The following ANKRD31 variants were observed in gnomAD, a reference collection of about 807,000 sequenced individuals.
ANKRD31 encodes the protein ankyrin repeat domain-containing protein 31.
ANKRD31 carries 147 observed loss-of-function variants against 186.0 expected under a neutral mutation model. The ratio of observed to expected loss-of-function variants is 0.79; its 90% CI spans 0.69 to 0.91. ANKRD31 has a LOEUF of 0.91. Among genes scored for constraint, ANKRD31 ranks in the 40% least tolerant of loss-of-function variants. ANKRD31 has a pLI of 0.00. For missense variants in ANKRD31, 1,986 were observed against 2,148.8 expected (o/e 0.92, Z 1.50); for synonymous variants, 673 against 736.4 (o/e 0.91, Z 1.39).
intron 6 of ANKRD31, 64 bp from the exon 7 acceptor site, chr5:75,196,264 CT>C: frequency 1.6e-6 from 2 of 1,246,478 alleles, no homozygotes; most frequent in Non-Finnish European, 2.1e-6. Context: ...AAAATGAAAA[CT>C]TTATAGTTTT....
chr5:75,150,897 T>C (rs1751796083), intron 12 of ANKRD31, among the ~76,000 whole-genome samples: 1 of 152,040 alleles, frequency 6.6e-6, no homozygotes, highest in African/African-American at 2.4e-5. Flanking sequence ...TAATAATTTA[T>C]CTTAATGTGC....
chr5:75,194,417 A>T lies in ANKRD31; in HGVS notation c.1018-826T>A, dbSNP rs1021841888. 2.6e-5 allele frequency among the ~76,000 whole-genome samples: 4 copies of T among 152,082 alleles called. No homozygotes were observed. The South Asian group carries it at 8.3e-4, about 31-fold the overall frequency. On this transcript the variant is annotated intron_variant, in intron 7 of 25. Coordinates refer to ENST00000506364, the MANE Select transcript of ANKRD31 (RefSeq NM_001372053.1). ...ATTTTAATCTTCATGCCCTATCTCC[A>T]TAATTAGTTTCTCTTTTTCTGGTTT...
chr5:75,234,373 C>T (rs1758128135), intron 1 of ANKRD31, among the ~76,000 whole-genome samples: 2 of 152,176 alleles, frequency 1.3e-5, no homozygotes, highest in Non-Finnish European at 2.9e-5. Context: ...AATTCAAAAA[C>T]CAGTATAGAC....
At chr5:75,165,315 AG>A (rs1752843954) in intron 11 of ANKRD31, among the ~76,000 whole-genome samples, 2 of 152,348 alleles carry the variant, frequency 1.3e-5, no homozygotes, top group South Asian at 4.1e-4. Flanking sequence ...TTTAAGAAAA[AG>A]AACTACCAAA....
In ANKRD31 at chr5:75,147,231, C is replaced by T. The variant is rs1335760198; in HGVS notation, c.2180G>A (p.Gly727Asp). 5 of 1,536,082 alleles carry T rather than the reference C, an allele frequency of 3.3e-6. No homozygotes were observed. The Admixed American group carries it at 7.9e-5, about 24-fold the overall frequency. The change falls in exon 14 of 26, where the codon GGT becomes GAT. Residue 727 changes from glycine (G) to aspartate (D), a missense_variant. Transcript: ENST00000506364. ...VKDPNTNVPK[G>D]IGRRKTQHKR... ...ATGTTGTGTTTTTCTTCTTCCTATA[C>T]CTTTTGGTACGTTTGTGTTGGGATC...
intron 23 of ANKRD31, among the ~76,000 whole-genome samples, chr5:75,087,563 CT>C (rs1561405511): frequency 2.0e-5 from 3 of 151,778 alleles, no homozygotes; most frequent in African/African-American, 7.3e-5. Context: ...CAAATAACTA[CT>C]TTTATTCCAT....
At chr5:75,108,147 A>G (rs1462101610) in intron 20 of ANKRD31, among the ~76,000 whole-genome samples, 2 of 151,862 alleles carry the variant, frequency 1.3e-5, no homozygotes, top group South Asian at 2.1e-4. Context: ...TTTGTGTTAT[A>G]TATTTATTAT....
At chr5:75,092,455 TGGGCA>T (rs1219343541) in intron 22 of ANKRD31, among the ~76,000 whole-genome samples, 1 of 152,108 alleles carries the variant, frequency 6.6e-6, no homozygotes, top group Non-Finnish European at 1.5e-5. Context: ...AAACAGTCAA[TGGGCA>T]GTAAGTGGAG....
chr5:75,169,003 A>G lies in ANKRD31; in HGVS notation c.1683T>C (p.Asp561=). The change falls in exon 11 of 26, where the codon GAT becomes GAC. Residue 561 remains aspartate (D), a synonymous_variant. Transcript: ENST00000506364. ...CCTTATAATGTCCATTCATCACTGCATCATGTAGGGGAGTAATCTGGTATA... is the reference window on the plus strand; with the variant it reads ...CCTTATAATGTCCATTCATCACTGCGTCATGTAGGGGAGTAATCTGGTATA... ...KGLYQITPLH[D]AVMNGHYKVA... 1 of 1,536,424 alleles carries G rather than the reference A, an allele frequency of 6.5e-7. No individual in the cohort carries two copies. The highest frequency in any genetic ancestry group is 2.0e-5 in the Admixed American group (1 of 50,970).
intron 17 of ANKRD31, among the ~76,000 whole-genome samples, chr5:75,124,437 A>G (rs967817877): frequency 6.6e-6 from 1 of 152,206 alleles, no homozygotes; most frequent in African/African-American, 2.4e-5. Flanking sequence ...CTGGGTATAT[A>G]CCCACAGGAA....
intron 11 of ANKRD31, among the ~76,000 whole-genome samples, chr5:75,157,655 G>A (rs1227436829): frequency 6.6e-6 from 1 of 152,172 alleles, no homozygotes; most frequent in Admixed American, 6.6e-5. Context: ...AGAAATATAG[G>A]TGGGCCTGTG....
chr5:75,164,378 T>TA (rs1752780262), intron 11 of ANKRD31, among the ~76,000 whole-genome samples: 1 of 152,210 alleles, frequency 6.6e-6, no homozygotes, highest in African/African-American at 2.4e-5. Flanking sequence ...AGTTTTGTGG[T>TA]AATTTGTTAG....
intron 3 of ANKRD31, among the ~76,000 whole-genome samples, chr5:75,217,976 G>T (rs1163361897): frequency 6.6e-6 from 1 of 152,016 alleles, no homozygotes; most frequent in Non-Finnish European, 1.5e-5. Context: ...CTGAGCATTT[G>T]CTTGTCTCAA....
At chr5:75,181,485 TA>T (rs1754289745) in intron 10 of ANKRD31, among the ~76,000 whole-genome samples, 1 of 152,006 alleles carries the variant, frequency 6.6e-6, no homozygotes, top group South Asian at 2.1e-4. Context: ...GGAACCAACC[TA>T]AATGTCCAAC....
At chr5:75,071,574 C>T (rs1021175855) in intron 25 of ANKRD31, among the ~76,000 whole-genome samples, 3 of 150,512 alleles carry the variant, frequency 2.0e-5, no homozygotes, top group African/African-American at 7.3e-5. Context: ...CAACTCACTG[C>T]GACCTCTGCC....
intron 10 of ANKRD31, among the ~76,000 whole-genome samples, chr5:75,184,192 A>C (rs1451342958): frequency 6.6e-6 from 1 of 152,166 alleles, no homozygotes; most frequent in East Asian, 1.9e-4. Flanking sequence ...AAAAATGGAT[A>C]TCCACATGCA....
chr5:75,082,292 G>A (rs760513208), intron 24 of ANKRD31, among the ~76,000 whole-genome samples: 1 of 152,150 alleles, frequency 6.6e-6, no homozygotes, highest in East Asian at 1.9e-4. Flanking sequence ...TATAGGAAAG[G>A]AACAGTCCCA....
chr5:75,216,156 C>G (rs895602113), intron 3 of ANKRD31, among the ~76,000 whole-genome samples: 1 of 152,170 alleles, frequency 6.6e-6, no homozygotes, highest in Non-Finnish European at 1.5e-5. Flanking sequence ...CAAGCCCATA[C>G]TCAGCAGATG....
Position 75,121,056 on chromosome 5 carries a change from G to A in ANKRD31, c.3877-2759C>T, listed in dbSNP as rs552378056. On this transcript the variant is annotated intron_variant, in intron 17 of 25. Transcript: ENST00000506364. ...AAATTAGCTGAGTGTGGTGGCGTGC[G>A]CCTGTAATCCCAGCTACTTAGGAGG... Among the ~76,000 whole-genome samples, 15 of 152,002 alleles carry A rather than the reference G, an allele frequency of 9.9e-5. No homozygotes were observed. In the East Asian group the frequency reaches 2.1e-3, roughly 22 times the overall value.
Sources: allele counts gnomAD v4.1 joint callset (sites outside exome capture counted in the v4.1 genomes callset), GRCh38; gene constraint gnomAD v4.1.1; transcripts MANE v1.5; gene names NCBI Gene and HGNC (gene_info 2026-07-23, HGNC 2026-07-21).